Variants in AFF3 observed in about 807,000 individuals in gnomAD.
AFF3 encodes the protein AF4/FMR2 family member 3.
A neutral mutation model predicts 129.7 loss-of-function variants in AFF3; 32 were observed. That is an observed-to-expected ratio of 0.25 (90% CI 0.19 to 0.33). The LOEUF (loss-of-function observed/expected upper bound fraction) is 0.33. Ranked by LOEUF, AFF3 falls within the 10% of genes least tolerant of loss-of-function variation. The pLI is 1.00. For synonymous variants in AFF3, 644 were observed against 635.4 expected, an observed-to-expected ratio of 1.01 and a Z score of -0.20; for missense variants, 1,373 against 1,592.0, an observed-to-expected ratio of 0.86 and a Z score of 2.34.
intron 7 of AFF3, among the ~76,000 whole-genome samples, chr2:99,986,114 T>C (rs890571672): frequency 5.9e-5 from 9 of 151,354 alleles, no homozygotes; most frequent in Non-Finnish European, 1.0e-4. Flanking sequence ...AGCAGGAGAA[T>C]GGTGTGAACC....
At chr2:99,742,368 T>C (rs945090707) in intron 10 of AFF3, among the ~76,000 whole-genome samples, 1 of 151,318 alleles carries the variant, frequency 6.6e-6, no homozygotes, top group Non-Finnish European at 1.5e-5. Flanking sequence ...AAAAAAAAAA[T>C]CCCCTTACTC....
chr2:99,951,295 T>C (rs1676142236), intron 7 of AFF3, among the ~76,000 whole-genome samples: 1 of 152,234 alleles, frequency 6.6e-6, no homozygotes. Flanking sequence ...CTTCTCTTTT[T>C]TTAAGATTCC....
intron 13 of AFF3, among the ~76,000 whole-genome samples, chr2:99,649,069 A>G (rs1684990787): frequency 6.6e-6 from 1 of 152,188 alleles, no homozygotes; most frequent in Non-Finnish European, 1.5e-5. Context: ...AAAGCAGGAT[A>G]TAAAATACAG....
At chr2:100,061,639 G>C (rs759868584) in intron 4 of AFF3, among the ~76,000 whole-genome samples, 2 of 152,168 alleles carry the variant, frequency 1.3e-5, no homozygotes, top group African/African-American at 2.4e-5. Flanking sequence ...AAGTTTCCAA[G>C]CAATGACAGA....
At chr2:99,904,096 A>G (rs112219476) in intron 7 of AFF3, among the ~76,000 whole-genome samples, 18 of 152,238 alleles carry the variant, frequency 1.2e-4, no homozygotes, top group African/African-American at 4.3e-4. Context: ...GAAACTGGAA[A>G]CTAGATACGT....
intron 7 of AFF3, among the ~76,000 whole-genome samples, chr2:100,000,274 T>A (rs1681258191): frequency 6.6e-6 from 1 of 152,178 alleles, no homozygotes; most frequent in African/African-American, 2.4e-5. Context: ...AGCTCTCATG[T>A]GATAGGTTCC....
intron 4 of AFF3, among the ~76,000 whole-genome samples, chr2:100,036,673 G>A (rs1684937362): frequency 6.6e-6 from 1 of 151,710 alleles, no homozygotes; most frequent in South Asian, 2.1e-4. Context: ...AAAGATATGT[G>A]ACATATAAGA....
intron 8 of AFF3, among the ~76,000 whole-genome samples, chr2:99,761,960 GTCCTGCCCCAGGCTT>G (rs998261693): frequency 4.5e-4 from 69 of 152,080 alleles, no homozygotes; most frequent in African/African-American, 1.5e-3. Context: ...CTTACTTCTT[GTCCTGCCCCAGGCTT>G]TCCTGCCCCC....
At chr2:100,114,187 T>G (rs889745693) in intron 2 of AFF3, among the ~76,000 whole-genome samples, 5 of 152,150 alleles carry the variant, frequency 3.3e-5, no homozygotes, top group African/African-American at 1.2e-4. Flanking sequence ...CTTTTCTTAG[T>G]TGTAAAATCC....
At chr2:99,712,517 A>C (rs1677983702) in intron 11 of AFF3, among the ~76,000 whole-genome samples, 1 of 152,222 alleles carries the variant, frequency 6.6e-6, no homozygotes. Context: ...GCATCTCAGA[A>C]GTTGGTCAGT....
chr2:99,749,676 C>T (rs1411830443), intron 9 of AFF3, among the ~76,000 whole-genome samples: 2 of 152,186 alleles, frequency 1.3e-5, no homozygotes, highest in Non-Finnish European at 2.9e-5. Context: ...AGCCTGGGAA[C>T]TTCACATGGG....
chr2:100,079,008 G>T (rs866550853), intron 4 of AFF3, among the ~76,000 whole-genome samples: 1 of 149,538 alleles, frequency 6.7e-6, no homozygotes, highest in Non-Finnish European at 1.5e-5. Context: ...GTGCAGTGGC[G>T]TGATCTCGGT....
chr2:99,780,030 T>A (rs887350488), intron 8 of AFF3, among the ~76,000 whole-genome samples: 1 of 152,244 alleles, frequency 6.6e-6, no homozygotes, highest in African/African-American at 2.4e-5. Flanking sequence ...TCTGAAGGAC[T>A]ACTGAAGTGT....
intron 13 of AFF3, among the ~76,000 whole-genome samples, chr2:99,632,400 T>A (rs1458379869): frequency 1.3e-5 from 2 of 152,088 alleles, no homozygotes; most frequent in African/African-American, 2.4e-5. Context: ...AAATACGATA[T>A]CTCACTGTGG....
At chr2:99,846,001 T>C (rs1012225747) in intron 7 of AFF3, among the ~76,000 whole-genome samples, 2 of 150,862 alleles carry the variant, frequency 1.3e-5, no homozygotes, top group Non-Finnish European at 2.9e-5. Context: ...CCCGGCTAAT[T>C]TTTTGTATTT....
At chr2:99,604,482 G>A (rs1036841401) in intron 13 of AFF3, among the ~76,000 whole-genome samples, 1 of 152,152 alleles carries the variant, frequency 6.6e-6, no homozygotes, top group Non-Finnish European at 1.5e-5. Context: ...GAGGGTGGAG[G>A]ATGGGAGGAG....
chr2:100,008,531 G>A (rs1209556277), intron 5 of AFF3, among the ~76,000 whole-genome samples: 5 of 152,094 alleles, frequency 3.3e-5, no homozygotes, highest in Admixed American at 6.5e-5. Context: ...ATGTCAACGC[G>A]GAGATGAAGT....
rs568086521 is a variant in AFF3, at chr2:99,758,967, A to G, written c.922-6666T>C. On this transcript the variant is annotated intron_variant, in intron 8 of 24. Transcript: ENST00000672756. ...CTTCATGCCTTTTTATTGCTCTACA[A>G]ATACTCTACCTACAAGAAAAACTAG... Among the ~76,000 whole-genome samples the G allele has an allele frequency of 6.6e-5, 10 of 152,238 alleles. No homozygotes were observed. The South Asian group carries it at 1.9e-3, about 28-fold the overall frequency.
chr2:99,568,952 T>C (rs757820105), intron 18 of AFF3, 37 bp from the exon 19 acceptor site: 13 of 1,572,396 alleles, frequency 8.3e-6, no homozygotes, highest in Admixed American at 1.7e-5. Flanking sequence ...TCATTATGGC[T>C]TAAGTGCAAC....
Sources: gnomAD v4.1 joint callset for allele counts (sites outside exome capture counted in the v4.1 genomes callset) on GRCh38, gnomAD v4.1.1 for gene constraint, MANE v1.5 for transcripts, NCBI Gene and HGNC (gene_info 2026-07-23, HGNC 2026-07-21) for gene names.